Variants in RBM12 observed in about 807,000 individuals in gnomAD.
RBM12 encodes RNA-binding protein 12.
A neutral mutation model predicts 37.2 loss-of-function variants in RBM12; 24 were observed. That is an observed-to-expected ratio of 0.65 (90% CI 0.47 to 0.91). RBM12 has a LOEUF of 0.91. RBM12 is among the 40% of genes least tolerant of loss of function. The pLI is 0.00. For synonymous variants in RBM12, 420 were observed against 425.2 expected, an observed-to-expected ratio of 0.99 and a Z score of 0.15; for missense variants, 1,061 against 1,183.2, an observed-to-expected ratio of 0.90 and a Z score of 1.52.
chr20:35,655,108 A>G lies in RBM12; in HGVS notation c.215T>C (p.Leu72Ser). Reference protein sequence around the residue: ...GTIKGSKVTLLLSSKTEMQNM... With the variant: ...GTIKGSKVTLSLSSKTEMQNM... Reference sequence around the variant, plus strand: ...CTGCATTTCCGTCTTACTACTCAACAATAGTGTTACTTTTGACCCTTTAAT... The same window carrying G: ...CTGCATTTCCGTCTTACTACTCAACGATAGTGTTACTTTTGACCCTTTAAT... Residue 72 changes from leucine to serine, a missense_variant, in exon 3 of 3, where the codon TTG (leucine) becomes TCG (serine). Leu to Ser is a moderately radical substitution (Grantham distance 145, BLOSUM62 -2). Around this residue, in one of 3 missense-constraint regions of RBM12, gnomAD observed 540 missense variants for 632.7 expected, o/e 0.85. Transcript: ENST00000374114. 1 of 1,614,152 alleles carries G rather than the reference A, an allele frequency of 6.2e-7. No individual in the cohort carries two copies. Among genetic ancestry groups the G allele is most frequent in the East Asian group, 2.2e-5 (1 of 44,882 alleles).
rs2033563737 is a variant in RBM12 at position 35,652,121 on chromosome 20, T to C, written c.*403A>G. The C allele has an allele frequency of 6.2e-6, 1 of 160,578 alleles. No individual in the cohort carries two copies. Among genetic ancestry groups the C allele is most frequent in the Non-Finnish European group, 1.4e-5 (1 of 73,466 alleles). 9.9% of individuals were successfully genotyped at this position (160,578 alleles called of 1,614,324 possible). Reference sequence around the variant, plus strand: ...CAAATCTGTCCAGCTTTAAACCAAATTCTGAGAGTAGCCAACTTCTATTTT... The same window carrying C: ...CAAATCTGTCCAGCTTTAAACCAAACTCTGAGAGTAGCCAACTTCTATTTT... On this transcript the variant is annotated 3_prime_UTR_variant, in exon 3 of 3. Coordinates refer to ENST00000374114, the MANE Select transcript of RBM12 (RefSeq NM_006047.6).
chr20:35,652,321 T>C lies in RBM12; in HGVS notation c.*203A>G, dbSNP rs117224846. Reference sequence around the variant, plus strand: ...AAATCATTTATGTGTTCTCTCCAGATAGCTTTACTGTAACATACAGCAATG... The same window carrying C: ...AAATCATTTATGTGTTCTCTCCAGACAGCTTTACTGTAACATACAGCAATG... On this transcript the variant is annotated 3_prime_UTR_variant, in exon 3 of 3. Coordinates refer to ENST00000374114, the MANE Select transcript of RBM12 (RefSeq NM_006047.6). The C allele has an allele frequency of 1.7e-5, 10 of 573,094 alleles. No individual in the cohort carries two copies. Among genetic ancestry groups the C allele is most frequent in the East Asian group, 1.5e-4 (5 of 33,402 alleles). The allele number at this position is 573,094 out of a possible 1,614,324, so 35.5% of individuals were successfully genotyped here.
chr20:35,649,188 C>G lies in RBM12; in HGVS notation c.*3336G>C, dbSNP rs2033329893. The G allele has an allele frequency of 6.6e-6, 1 of 152,206 alleles. No homozygotes were observed. The highest frequency in any genetic ancestry group is 1.5e-5 in the Non-Finnish European group (1 of 68,026). The allele number at this position is 152,206 out of a possible 1,614,324, so 9.4% of individuals were successfully genotyped here. ...AAAATAATTTTTAAAGTGACCACTT[C>G]CAGAAATTCTTTCCAAAAGATTTGA... On this transcript the variant is annotated 3_prime_UTR_variant, in exon 3 of 3. Coordinates refer to ENST00000374114, the MANE Select transcript of RBM12 (RefSeq NM_006047.6).
In RBM12 at chr20:35,654,658, G is replaced by A; in HGVS notation, c.665C>T (p.Pro222Leu). ...PPVPTLPPVP[P>L]VPPIPPVPSV... is the part of the protein sequence containing the mutation. Reference sequence around the variant, plus strand: ...AGGAACTGGGGGAATCGGGGGCACAGGAGGCACAGGAGGCAATGTAGGTAC... The same window carrying A: ...AGGAACTGGGGGAATCGGGGGCACAAGAGGCACAGGAGGCAATGTAGGTAC... Residue 222 changes from proline to leucine, a missense_variant, in exon 3 of 3, where the codon CCT becomes CTT. By Grantham distance (98) the Pro-to-Leu change is moderately conservative (BLOSUM62 -3). Transcript: ENST00000374114. The A allele has an allele frequency of 1.2e-6, 2 of 1,612,866 alleles. No individual in the cohort carries two copies. Among genetic ancestry groups the A allele is most frequent in the Non-Finnish European group, 1.7e-6 (2 of 1,179,204 alleles).
chr20:35,663,777 G>T (rs1283601691), intron 1 of RBM12, among the ~76,000 whole-genome samples: 1 of 152,190 alleles, frequency 6.6e-6, no homozygotes, highest in African/African-American at 2.4e-5. Context: ...TAGCAGCTAA[G>T]CCTGCTGCAC....
At position 35,654,729 on chromosome 20, in the gene RBM12, A is replaced by G; in HGVS notation, c.594T>C (p.Ser198=). Residue 198 remains serine, a synonymous_variant, in exon 3 of 3, where the codon TCT becomes TCC. Transcript: ENST00000374114. The part of the protein sequence containing the change: ...PPIPPIPAMP[S]LPPMPSIPPI... ...GGGGAATGGATGGCATTGGTGGCAG[A>G]GATGGCATCGCTGGAATTGGAGGAA... 1 of 1,613,430 alleles carries G rather than the reference A, an allele frequency of 6.2e-7. No homozygotes were observed.
intron 1 of RBM12, among the ~76,000 whole-genome samples, chr20:35,663,491 C>T (rs1476677052): frequency 6.6e-6 from 1 of 152,134 alleles, no homozygotes; most frequent in East Asian, 1.9e-4. Context: ...TGCCATCACA[C>T]TTTTTTCCAG....
intron 2 of RBM12, among the ~76,000 whole-genome samples, chr20:35,657,354 A>AT (rs1456831311): frequency 6.6e-6 from 1 of 152,232 alleles, no homozygotes; most frequent in Non-Finnish European, 1.5e-5. Context: ...CTCAATCTAG[A>AT]ATATGTGGCT....
chr20:35,656,361 T>C (rs1306574344), intron 2 of RBM12, among the ~76,000 whole-genome samples: 1 of 152,152 alleles, frequency 6.6e-6, no homozygotes, highest in Non-Finnish European at 1.5e-5. Context: ...AAAAAAGAAA[T>C]GTTCCCCTCA....
Position 35,652,448 on chromosome 20 carries a change from A to C in RBM12, c.*76T>G. The C allele has an allele frequency of 6.7e-7, 1 of 1,488,576 alleles. No homozygotes were observed. Among genetic ancestry groups the C allele is most frequent in the Non-Finnish European group, 9.0e-7 (1 of 1,106,798 alleles). The allele number at this position is 1,488,576 out of a possible 1,614,324, so 92.2% of individuals were successfully genotyped here. On this transcript the variant is annotated 3_prime_UTR_variant, in exon 3 of 3. Coordinates refer to ENST00000374114, the MANE Select transcript of RBM12 (RefSeq NM_006047.6). ...AAACAATCCACAGGTTCTAACCTGG[A>C]AATACTAGGAAAACAATCTGGATGC...
chr20:35,652,933 C>T lies in RBM12; in HGVS notation c.2390G>A (p.Gly797Asp), dbSNP rs1300362627. ...GGPQNFGNGP[G>D]SLGGPPGFGS... The stretch of plus-strand genomic sequence containing the variant: ...AAACCCCGGGGGACCGCCTAAGCTA[C>T]CAGGGCCATTTCCAAAATTCTGAGG... Residue 797 changes from glycine to aspartate, a missense_variant, in exon 3 of 3, where the codon GGT becomes GAT. Physicochemically the swap from Gly to Asp is moderately conservative, Grantham distance 94 (BLOSUM62 -1). Transcript: ENST00000374114. 1 of 1,613,712 alleles carries T rather than the reference C, an allele frequency of 6.2e-7. No individual in the cohort carries two copies. The highest frequency in any genetic ancestry group is 8.5e-7 in the Non-Finnish European group (1 of 1,180,050).
At chr20:35,663,222 A>C (rs1418566851) in intron 1 of RBM12, among the ~76,000 whole-genome samples, 1 of 152,216 alleles carries the variant, frequency 6.6e-6, no homozygotes, top group Non-Finnish European at 1.5e-5. Context: ...AAATTTCAAA[A>C]ACAAGTACAA....
Position 35,654,982 on chromosome 20 carries a change from C to T in RBM12, c.341G>A (p.Ser114Asn), listed in dbSNP as rs781042248. The change falls in exon 3 of 3, where the codon AGT (serine) becomes AAT (asparagine). Residue 114 changes from serine (S) to asparagine (N), a missense_variant. Ser to Asn is a conservative substitution (Grantham distance 46). Around this residue, in one of 3 missense-constraint regions of RBM12, gnomAD observed 540 missense variants for 632.7 expected, o/e 0.85. Transcript: ENST00000374114. Reference protein sequence around the residue: ...RSGPPPSSGMSSRVNLPTTVS... With the variant: ...RSGPPPSSGMNSRVNLPTTVS... ...TGTTGTGGGCAAGTTTACCCTGCTA[C>T]TCATTCCTGAGCTAGGTGGTGGTCC... 2.5e-6 allele frequency: 4 copies of T among 1,614,058 alleles called. No homozygotes were observed. The Admixed American group carries it at 5.0e-5, about 20-fold the overall frequency.
Position 35,652,070 on chromosome 20 carries a change from A to G in RBM12, c.*454T>C, listed in dbSNP as rs2033558763. 1 of 154,150 alleles carries G rather than the reference A, an allele frequency of 6.5e-6. No individual in the cohort carries two copies. Among genetic ancestry groups the G allele is most frequent in the Non-Finnish European group, 1.4e-5 (1 of 69,188 alleles). 9.5% of individuals were successfully genotyped at this position (154,150 alleles called of 1,614,324 possible). On this transcript the variant is annotated 3_prime_UTR_variant, in exon 3 of 3. Transcript: ENST00000374114. ...AATTTTAAAAGAAAATGAGGACTTT[A>G]GACAAAGCTTTACCCTATAACAAAG...
chr20:35,661,026 G>C (rs2034204383), intron 1 of RBM12, among the ~76,000 whole-genome samples: 1 of 152,218 alleles, frequency 6.6e-6, no homozygotes, highest in Non-Finnish European at 1.5e-5. Context: ...CAAATGCCTA[G>C]TTCAAGTTTT....
chr20:35,658,921 ATC>A lies in RBM12; in HGVS notation c.-23+7_-23+8del, dbSNP rs1472856636. On this transcript the variant is annotated splice_region_variant and intron_variant, in intron 2 of 2. Transcript: ENST00000374114. ...TATAAAAACGAACTCTCTATTCAAA[ATC>A]TCTTACCTGATAAAACAAGAGATGA... The A allele has an allele frequency of 1.3e-5, 9 of 714,432 alleles. No homozygotes were observed. The highest frequency in any genetic ancestry group is 2.3e-5 in the Non-Finnish European group (9 of 384,230). The allele number at this position is 714,432 out of a possible 1,614,324, so 44.3% of individuals were successfully genotyped here.
intron 2 of RBM12, among the ~76,000 whole-genome samples, chr20:35,657,728 C>T (rs909121756): frequency 1.3e-5 from 2 of 152,164 alleles, no homozygotes; most frequent in African/African-American, 4.8e-5. Context: ...ATAAAGCCAT[C>T]TGATGAGAAA....
At chr20:35,658,802 AACACACACACACACAC>A (rs10542710) in intron 2 of RBM12, 112 bp downstream of exon 2, 19,293 of 473,012 alleles carry the variant, frequency 0.041, 364 homozygotes, top group African/African-American at 0.083. Context: ...AGCAAACAAA[AACACACACACACACAC>A]ACACACACAC....
chr20:35,660,226 AG>A (rs1274422970), intron 1 of RBM12, among the ~76,000 whole-genome samples: 1 of 151,708 alleles, frequency 6.6e-6, no homozygotes, highest in African/African-American at 2.4e-5. Context: ...TTTTTGAGAC[AG>A]GGTATCGCTC....
Sources: gnomAD v4.1 joint callset for allele counts (sites outside exome capture counted in the v4.1 genomes callset) on GRCh38, gnomAD v4.1.1 for gene constraint, gnomAD v4.1.1 regional missense constraint, MANE v1.5 for transcripts, NCBI Gene and HGNC (gene_info 2026-07-23, HGNC 2026-07-21) for gene names.